The following ZNF518B variants were observed in gnomAD, a reference collection of about 807,000 sequenced individuals.
ZNF518B encodes zinc finger protein 518B.
Under a neutral mutation model 56.3 loss-of-function variants are expected in ZNF518B, and 23 were observed. The observed-to-expected ratio is 0.41, with a 90% CI of 0.29 to 0.58. The LOEUF is 0.58. Ranked by LOEUF, ZNF518B falls within the 20% of genes least tolerant of loss-of-function variation. The pLI is 0.32. For missense variants in ZNF518B, 1,460 were observed against 1,272.1 expected, an observed-to-expected ratio of 1.15 and a Z score of -2.25; for synonymous variants, 529 against 465.9, an observed-to-expected ratio of 1.14 and a Z score of -1.74.
intron 2 of ZNF518B, chr4:10,454,294 A>AG (rs1321248499): frequency 6.6e-6 from 1 of 152,224 alleles, no homozygotes; most frequent in Non-Finnish European, 1.5e-5. Flanking sequence ...ATGTATAATG[A>AG]GGTATCTACT....
intron 2 of ZNF518B, chr4:10,454,010 G>T (rs554937393): frequency 6.6e-6 from 1 of 152,352 alleles, no homozygotes; most frequent in East Asian, 1.9e-4. Context: ...AAGAGGTGGG[G>T]ATACTGGGAT....
chr4:10,458,195 A>T (rs914393646), upstream of ZNF518B, among the ~76,000 whole-genome samples: 6 of 152,160 alleles, frequency 3.9e-5, no homozygotes, highest in African/African-American at 1.4e-4. Flanking sequence ...AAAGAAGAAG[A>T]CCATATTGCC....
At position 10,443,292 on chromosome 4, in the gene ZNF518B, G is replaced by A. The variant is rs1714767545; in HGVS notation, c.3037C>T (p.Leu1013Phe). 1.2e-6 allele frequency: 2 copies of A among 1,614,098 alleles called. No homozygotes were observed. Among genetic ancestry groups the A allele is most frequent in the Non-Finnish European group, 8.5e-7 (1 of 1,179,994 alleles). Residue 1013 changes from leucine (L) to phenylalanine (F), a missense_variant, in exon 3 of 3, where the codon CTC (leucine) becomes TTC (phenylalanine). Physicochemically the swap from Leu to Phe is conservative, Grantham distance 22 (BLOSUM62 0). Transcript: ENST00000326756. ...IKRQMMLKMK[L>F]KKVHKNNYQV... ...TAGTTGTTTTTATGAACTTTTTTGAGTTTCATTTTCAACATCATTTGCCTT... is the reference window on the plus strand; with the variant it reads ...TAGTTGTTTTTATGAACTTTTTTGAATTTCATTTTCAACATCATTTGCCTT...
Position 10,443,259 on chromosome 4 carries a change from C to T in ZNF518B, c.3070G>A (p.Val1024Met), listed in dbSNP as rs775465442. ...KKVHKNNYQVVDSLPDDSSQC... is the reference protein window; with the variant it reads ...KKVHKNNYQVMDSLPDDSSQC... ...GAAGAATCATCAGGCAAGGAATCCA[C>T]TACCTGGTAGTTGTTTTTATGAACT... The change falls in exon 3 of 3, where the codon GTG (valine) becomes ATG (methionine). Residue 1024 changes from valine (V) to methionine (M), a missense_variant. Coordinates refer to ENST00000326756, the MANE Select transcript of ZNF518B (RefSeq NM_053042.3). 1 of 1,614,200 alleles carries T rather than the reference C, an allele frequency of 6.2e-7. No homozygotes were observed. The highest frequency in any genetic ancestry group is 1.1e-5 in the South Asian group (1 of 91,084).
upstream of ZNF518B, among the ~76,000 whole-genome samples, chr4:10,458,064 C>T (rs1338146242): frequency 6.6e-6 from 1 of 152,132 alleles, no homozygotes; most frequent in Non-Finnish European, 1.5e-5. Context: ...TCATTTAATG[C>T]CAGAGTTTCT....
chr4:10,458,649 C>G (rs1715645299), upstream of ZNF518B, among the ~76,000 whole-genome samples: 2 of 152,212 alleles, frequency 1.3e-5, no homozygotes, highest in Non-Finnish European at 2.9e-5. Flanking sequence ...TCCTGGTTTT[C>G]TATCTCCTAG....
In ZNF518B at chr4:10,445,472, T is replaced by C. The variant is rs1399077447; in HGVS notation, c.857A>G (p.Lys286Arg). Residue 286 changes from lysine to arginine, a missense_variant, in exon 3 of 3, where the codon AAA becomes AGA. Physicochemically the swap from Lys to Arg is conservative, Grantham distance 26 (BLOSUM62 2). Coordinates refer to ENST00000326756, the MANE Select transcript of ZNF518B (RefSeq NM_053042.3). ...MLLPEPKEYQ[K>R]DVVCIPNKMT... The stretch of plus-strand genomic sequence containing the variant: ...TTTATTTGGAATACAAACTACATCT[T>C]TTTGGTATTCCTTTGGTTCAGGTAA... 2.5e-6 allele frequency: 4 copies of C among 1,614,098 alleles called. No homozygotes were observed. In the Admixed American group the frequency reaches 5.0e-5, roughly 20 times the overall value.
In ZNF518B at chr4:10,443,119, GGAAA is replaced by G; in HGVS notation, c.3206_3209del (p.Leu1069ProfsTer7). 6.2e-7 allele frequency: 1 copy of G among 1,612,018 alleles called. No individual in the cohort carries two copies. Among genetic ancestry groups the G allele is most frequent in the Non-Finnish European group, 8.5e-7 (1 of 1,178,976 alleles). On this transcript the variant is annotated frameshift_variant, in exon 3 of 3. Transcript: ENST00000326756. LOFTEE classifies it high-confidence loss of function. The stretch of plus-strand genomic sequence containing the variant: ...AACTGTTTACTTATTTGCCCTTGGA[GGAAA>G]GAACATCCCAATCTCTAGTTGCTTC...
At position 10,443,764 on chromosome 4, in the gene ZNF518B, G is replaced by A; in HGVS notation, c.2565C>T (p.Ser855=). 1.2e-6 allele frequency: 2 copies of A among 1,614,188 alleles called. No individual in the cohort carries two copies. The highest frequency in any genetic ancestry group is 1.7e-6 in the Non-Finnish European group (2 of 1,180,032). Residue 855 remains serine, a synonymous_variant, in exon 3 of 3, where the codon AGC becomes AGT. Transcript: ENST00000326756. ...PKLRKESAVC[S]TIHRKTGLLY... ...AGAGGCCAGTTTTTCTATGGATGGT[G>A]CTACAGACAGCACTCTCTTTTCTCA...
At chr4:10,455,622 T>TTA (rs1553836869) in intron 1 of ZNF518B, among the ~76,000 whole-genome samples, 5 of 152,192 alleles carry the variant, frequency 3.3e-5, no homozygotes, top group Non-Finnish European at 7.3e-5. Flanking sequence ...TGGATTTTTT[T>TTA]AATTGCCATT....
At position 10,444,658 on chromosome 4, in the gene ZNF518B, A is replaced by C; in HGVS notation, c.1671T>G (p.Ser557Arg). ...CCACTTTTACAGGAATATTGACTTT[A>C]CTTGTAGATTCCAAGTCATTTTCAC... ...PVSENDLESTSKVNIPVKVVS... is the reference protein window; with the variant it reads ...PVSENDLESTRKVNIPVKVVS... Residue 557 changes from serine (S) to arginine (R), a missense_variant, in exon 3 of 3, where the codon AGT becomes AGG. Transcript: ENST00000326756. 3.1e-6 allele frequency: 5 copies of C among 1,614,168 alleles called. No individual in the cohort carries two copies. The highest frequency in any genetic ancestry group is 4.2e-6 in the Non-Finnish European group (5 of 1,180,016).
intron 1 of ZNF518B, among the ~76,000 whole-genome samples, chr4:10,456,491 A>T (rs1224621158): frequency 6.6e-6 from 1 of 152,120 alleles, no homozygotes; most frequent in Non-Finnish European, 1.5e-5. Context: ...ATCTCTTCTC[A>T]ACCTCCTATG....
At position 10,443,804 on chromosome 4, in the gene ZNF518B, G is replaced by A. The variant is rs372132016; in HGVS notation, c.2525C>T (p.Pro842Leu). 3.1e-6 allele frequency: 5 copies of A among 1,614,068 alleles called. No homozygotes were observed. Among genetic ancestry groups the A allele is most frequent in the Non-Finnish European group, 4.2e-6 (5 of 1,180,048 alleles). The change falls in exon 3 of 3, where the codon CCT becomes CTT. Residue 842 changes from proline to leucine, a missense_variant. Coordinates refer to ENST00000326756, the MANE Select transcript of ZNF518B (RefSeq NM_053042.3). ...PIDMSPNIET[P>L]LRPKLRKESA... ...CTCTTTTCTCAGTTTAGGCCGCAGA[G>A]GTGTCTCGATATTTGGGGACATATC...
chr4:10,445,397 AC>A lies in ZNF518B; in HGVS notation c.931del (p.Val311LeufsTer3). 1 of 1,614,200 alleles carries A rather than the reference AC, an allele frequency of 6.2e-7. No homozygotes were observed. Among genetic ancestry groups the A allele is most frequent in the South Asian group, 1.1e-5 (1 of 91,076 alleles). The stretch of plus-strand genomic sequence containing the variant: ...TGCAGGGGATAACACTTCTACTTCA[AC>A]ATTTTTGTTCTCAAATAGGTTGACT... ...NEVNLFENKN[V>X]EVEVLSPAKE... On this transcript the variant is annotated frameshift_variant, in exon 3 of 3. Coordinates refer to ENST00000326756, the MANE Select transcript of ZNF518B (RefSeq NM_053042.3). LOFTEE classifies it high-confidence loss of function.
At chr4:10,461,325 C>T (rs1248905049), upstream of ZNF518B, among the ~76,000 whole-genome samples, 6 of 152,214 alleles carry the variant, frequency 3.9e-5, no homozygotes, top group Non-Finnish European at 7.4e-5. Flanking sequence ...ACACTCAGCT[C>T]GGCCGCCGCG....
At chr4:10,451,853 C>A (rs1472073747) in intron 2 of ZNF518B, 3 of 152,196 alleles carry the variant, frequency 2.0e-5, no homozygotes, top group Non-Finnish European at 4.4e-5. Context: ...CTTTTCCTCA[C>A]CCACTTCTCT....
At chr4:10,456,897 G>A (rs1473265393) in intron 1 of ZNF518B, among the ~76,000 whole-genome samples, 1 of 151,800 alleles carries the variant, frequency 6.6e-6, no homozygotes, top group African/African-American at 2.4e-5. Context: ...AGCGCAGGCC[G>A]GGCCAGCGGC....
intron 2 of ZNF518B, among the ~76,000 whole-genome samples, chr4:10,449,207 GCCT>G (rs1715199018): frequency 6.6e-6 from 1 of 152,158 alleles, no homozygotes; most frequent in Non-Finnish European, 1.5e-5. Context: ...ACTTGGAAAA[GCCT>G]CAGAATCAGA....
rs528311807 is a variant in ZNF518B at position 10,442,928 on chromosome 4, T to C, written c.*176A>G. 107 of 586,602 alleles carry C rather than the reference T, an allele frequency of 1.8e-4. No individual in the cohort carries two copies. Among genetic ancestry groups the C allele is most frequent in the African/African-American group, 1.6e-3 (87 of 54,110 alleles). 36.3% of individuals were successfully genotyped at this position (586,602 alleles called of 1,614,324 possible). ...AATTTCAGAGCCTTCAAATACATTC[T>C]GGGGTCCAATCACATACTTCAGGTT... On this transcript the variant is annotated 3_prime_UTR_variant, in exon 3 of 3. Transcript: ENST00000326756.
Sources: allele counts gnomAD v4.1 joint callset (sites outside exome capture counted in the v4.1 genomes callset), GRCh38; gene constraint gnomAD v4.1.1; transcripts MANE v1.5; gene names NCBI Gene and HGNC (gene_info 2026-07-23, HGNC 2026-07-21).